RPS6KC1: variants seen among roughly 807,000 people sequenced by gnomAD.
The protein encoded by RPS6KC1 is inactive ribosomal protein S6 kinase delta-1.
A neutral mutation model predicts 103.8 loss-of-function variants in RPS6KC1; 54 were observed. The ratio of observed to expected loss-of-function variants is 0.52; its 90% CI spans 0.42 to 0.65. The LOEUF (loss-of-function observed/expected upper bound fraction) is 0.65. Among genes scored for constraint, RPS6KC1 ranks in the 30% least tolerant of loss-of-function variants. The probability of loss-of-function intolerance (pLI) is 0.00; values close to 1 mark genes in which losing one functional copy is unlikely to be tolerated. For missense variants in RPS6KC1, 1,151 were observed against 1,253.8 expected (o/e 0.92, Z 1.24); for synonymous variants, 439 against 438.7 (o/e 1.00, Z -0.01).
chr1:213,056,246 A>G (rs529544130), intron 1 of RPS6KC1, among the ~76,000 whole-genome samples: 2 of 152,276 alleles, frequency 1.3e-5, no homozygotes, highest in South Asian at 2.1e-4. Context: ...AGTAGGTACC[A>G]TTATCATTTC....
the RPS6KC1 span, among the ~76,000 whole-genome samples, chr1:213,430,976 T>C: frequency 1.9e-4 from 29 of 152,162 alleles, no homozygotes; most frequent in African/African-American, 7.0e-4. Flanking sequence ...CGCTTGCCGT[T>C]GTTTCAGTTG....
chr1:213,589,938 GGTGTGTGTGT>G, the RPS6KC1 span, among the ~76,000 whole-genome samples: 28 of 132,818 alleles, frequency 2.1e-4, no homozygotes, highest in Middle Eastern at 4.0e-3. Flanking sequence ...AAAAGGTAGT[GGTGTGTGTGT>G]GTGTGTGTGT....
the RPS6KC1 span, among the ~76,000 whole-genome samples, chr1:213,812,421 C>G: frequency 6.6e-6 from 1 of 152,132 alleles, no homozygotes; most frequent in African/African-American, 2.4e-5. Flanking sequence ...ATAGCCATCT[C>G]CTTAACACAG....
intron 14 of RPS6KC1, among the ~76,000 whole-genome samples, chr1:213,264,715 G>A (rs1036122264): frequency 3.9e-5 from 6 of 152,098 alleles, no homozygotes; most frequent in Admixed American, 1.3e-4. Context: ...GGCATGATTA[G>A]CAATTTGTCA....
the RPS6KC1 span, among the ~76,000 whole-genome samples, chr1:213,290,052 G>C: frequency 6.6e-6 from 1 of 150,790 alleles, no homozygotes; most frequent in African/African-American, 2.4e-5. Flanking sequence ...GGCTGAGGCA[G>C]GAGAATGGTG....
intron 6 of RPS6KC1, among the ~76,000 whole-genome samples, chr1:213,137,777 C>CTCTCTCTCTCTCTCTCTCTCTA (rs1387641875): frequency 1.6e-5 from 1 of 63,594 alleles, no homozygotes; most frequent in African/African-American, 1.1e-4. Flanking sequence ...CTCTCTCTCT[C>CTCTCTCTCTCTCTCTCTCTCTA]TATATATATA....
At chr1:213,535,077 A>G in the RPS6KC1 span, among the ~76,000 whole-genome samples, 1 of 152,238 alleles carries the variant, frequency 6.6e-6, no homozygotes, top group African/African-American at 2.4e-5. Context: ...TTTTGCATTA[A>G]GAAAGCCGAT....
At chr1:213,716,558 G>A in the RPS6KC1 span, among the ~76,000 whole-genome samples, 1 of 151,944 alleles carries the variant, frequency 6.6e-6, no homozygotes, top group Non-Finnish European at 1.5e-5. Flanking sequence ...TAGTTTCAGG[G>A]GGAAAAAATC....
intron 4 of RPS6KC1, among the ~76,000 whole-genome samples, chr1:213,104,956 A>C (rs1313650147): frequency 6.6e-6 from 1 of 152,088 alleles, no homozygotes; most frequent in Non-Finnish European, 1.5e-5. Context: ...TCATAATTGA[A>C]ATACATTAAA....
the RPS6KC1 span, among the ~76,000 whole-genome samples, chr1:213,695,617 A>G: frequency 6.6e-6 from 1 of 152,262 alleles, no homozygotes; most frequent in East Asian, 1.9e-4. Flanking sequence ...TGATGCTCTC[A>G]GTGTGATCAG....
the RPS6KC1 span, among the ~76,000 whole-genome samples, chr1:213,517,038 A>G: frequency 3.9e-5 from 6 of 152,058 alleles, no homozygotes; most frequent in Non-Finnish European, 7.4e-5. Context: ...GTATTCTCTG[A>G]TGGTAGTTTT....
At chr1:213,323,318 C>T in the RPS6KC1 span, among the ~76,000 whole-genome samples, 1 of 152,214 alleles carries the variant, frequency 6.6e-6, no homozygotes, top group East Asian at 1.9e-4. Flanking sequence ...CGGTTGGGAA[C>T]ATCTTTGTAA....
At chr1:213,486,014 G>A in the RPS6KC1 span, among the ~76,000 whole-genome samples, 1 of 151,996 alleles carries the variant, frequency 6.6e-6, no homozygotes, top group Non-Finnish European at 1.5e-5. Flanking sequence ...GCTGTTTCTG[G>A]GCCACCATCT....
the RPS6KC1 span, among the ~76,000 whole-genome samples, chr1:213,625,540 T>A: frequency 6.6e-6 from 1 of 152,204 alleles, no homozygotes. Flanking sequence ...TAACTTGTCA[T>A]TTAACATTAG....
the RPS6KC1 span, among the ~76,000 whole-genome samples, chr1:213,388,778 T>A: frequency 6.6e-6 from 1 of 152,170 alleles, no homozygotes; most frequent in Non-Finnish European, 1.5e-5. Context: ...CAGGAGATGC[T>A]GATCTTCAGC....
At chr1:213,797,907 C>G in the RPS6KC1 span, among the ~76,000 whole-genome samples, 1 of 152,216 alleles carries the variant, frequency 6.6e-6, no homozygotes, top group African/African-American at 2.4e-5. Context: ...AAGCAGTTGA[C>G]TTTGTTGGAA....
the RPS6KC1 span, among the ~76,000 whole-genome samples, chr1:213,382,590 G>A: frequency 6.6e-6 from 1 of 151,334 alleles, no homozygotes; most frequent in Non-Finnish European, 1.5e-5. Context: ...CGTGGCCTGG[G>A]TGGTATAATA....
chr1:213,272,929 A>T lies in RPS6KC1; in HGVS notation c.*295A>T. On this transcript the variant is annotated 3_prime_UTR_variant, in exon 15 of 15. Transcript: ENST00000366960. ...TAAAGCCAACTGAAAGAGTTCCTTC[A>T]AGAAGTTCCTCTGATAGGAAGCTAG... 1 of 216,634 alleles carries T rather than the reference A, an allele frequency of 4.6e-6. No homozygotes were observed. 13.4% of individuals were successfully genotyped at this position (216,634 alleles called of 1,614,324 possible). A position where few individuals can be genotyped will look rare whatever the true frequency, so the allele number is the denominator to read the frequency against.
At chr1:213,308,759 T>A in the RPS6KC1 span, among the ~76,000 whole-genome samples, 1 of 152,140 alleles carries the variant, frequency 6.6e-6, no homozygotes, top group East Asian at 1.9e-4. Context: ...CACACTAGAG[T>A]TTTAACCCTG....
Sources: gnomAD v4.1 joint callset for allele counts (sites outside exome capture counted in the v4.1 genomes callset) on GRCh38, gnomAD v4.1.1 for gene constraint, MANE v1.5 for transcripts, NCBI Gene and HGNC (gene_info 2026-07-23, HGNC 2026-07-21) for gene names.